Variants in INPP5D observed in about 807,000 individuals in gnomAD.
INPP5D encodes the protein phosphatidylinositol 3,4,5-trisphosphate 5-phosphatase 1.
In INPP5D, 33 loss-of-function variants were observed where a neutral mutation model predicts 122.9. The observed-to-expected ratio is 0.27, with a 90% CI of 0.20 to 0.36. The LOEUF (loss-of-function observed/expected upper bound fraction) is 0.36, where lower values mean the gene tolerates loss of function less well. Ranked by LOEUF, INPP5D falls within the 10% of genes least tolerant of loss-of-function variation. The pLI is 1.00. For missense variants in INPP5D, 1,053 were observed against 1,412.7 expected (o/e 0.75, Z 4.08); for synonymous variants, 584 against 576.2 (o/e 1.01, Z -0.19).
In INPP5D at chr2:233,195,424, A is replaced by C. The variant is rs1313655565; in HGVS notation, c.2622A>C (p.Glu874Asp). 1 of 1,613,676 alleles carries C rather than the reference A, an allele frequency of 6.2e-7. No homozygotes were observed. Among genetic ancestry groups the C allele is most frequent in the African/African-American group, 1.3e-5 (1 of 74,896 alleles). ...ACTTTGTGAAGACGGAGCGTGATGA[A>C]TCCAGTGGGCCAAAGACCCTGAAGA... ...LYDFVKTERD[E>D]SSGPKTLKSL... The change falls in exon 24 of 27, where the codon GAA becomes GAC. Residue 874 changes from glutamate to aspartate, a missense_variant. Transcript: ENST00000445964.
intron 4 of INPP5D, among the ~76,000 whole-genome samples, 158 bp from the exon 5 acceptor site, chr2:233,130,350 G>A (rs1358406119): frequency 6.6e-6 from 1 of 152,162 alleles, no homozygotes; most frequent in African/African-American, 2.4e-5. Context: ...GTGAGACCAC[G>A]GGAACCTTCG....
intron 25 of INPP5D, among the ~76,000 whole-genome samples, chr2:233,201,198 A>AGAGGCCCATC (rs1695331302): frequency 6.6e-6 from 1 of 152,160 alleles, no homozygotes; most frequent in Non-Finnish European, 1.5e-5. Context: ...TATGAGGACA[A>AGAGGCCCATC]AAGGCACTAT....
chr2:233,120,433 G>A (rs1030799650), intron 2 of INPP5D, among the ~76,000 whole-genome samples: 4 of 152,194 alleles, frequency 2.6e-5, no homozygotes, highest in Admixed American at 1.3e-4. Context: ...GCAGTGAGCC[G>A]AGACTGTGCC....
intron 4 of INPP5D, among the ~76,000 whole-genome samples, chr2:233,127,368 T>G (rs12694926): frequency 0.33 from 50,581 of 152,160 alleles, 10,329 homozygotes; most frequent in Non-Finnish European, 0.45. Context: ...ATTCTCAGGG[T>G]CAAGGAAAAC....
intron 2 of INPP5D, among the ~76,000 whole-genome samples, chr2:233,094,068 G>A (rs1037650245): frequency 6.6e-6 from 1 of 152,004 alleles, no homozygotes; most frequent in African/African-American, 2.4e-5. Flanking sequence ...GCCACATGGG[G>A]TCACAGAGCA....
intron 2 of INPP5D, among the ~76,000 whole-genome samples, chr2:233,104,049 C>G (rs1396771520): frequency 4.1e-5 from 4 of 98,590 alleles, no homozygotes; most frequent in Non-Finnish European, 7.9e-5. Context: ...CTTGCTCTGT[C>G]GCCCAGGCTG....
intron 1 of INPP5D, among the ~76,000 whole-genome samples, chr2:233,065,390 C>A (rs561941230): frequency 3.4e-4 from 51 of 149,276 alleles, no homozygotes; most frequent in African/African-American, 1.2e-3. Flanking sequence ...TCACTGCAAC[C>A]TCCGCCTCCC....
rs1247794682 is a variant in INPP5D at position 233,130,482 on chromosome 2, G to A, written c.525-26G>A. On this transcript the variant is annotated intron_variant, in intron 4 of 26. Transcript: ENST00000445964. ...TGGCTAAAAGAAACAGGCAAGCATA[G>A]TTTGTTTCTTTTTTCTTTTCTTTAG... 3 of 1,611,392 alleles carry A rather than the reference G, an allele frequency of 1.9e-6. No individual in the cohort carries two copies. In the African/African-American group the frequency reaches 4.0e-5, roughly 22 times the overall value.
intron 1 of INPP5D, among the ~76,000 whole-genome samples, chr2:233,070,730 C>G (rs771163835): frequency 3.3e-5 from 5 of 152,036 alleles, no homozygotes; most frequent in Non-Finnish European, 7.4e-5. Context: ...CGTGAGCCAC[C>G]GCGCCCGGCC....
intron 2 of INPP5D, among the ~76,000 whole-genome samples, chr2:233,096,165 C>A (rs550056640): frequency 2.0e-5 from 3 of 152,166 alleles, no homozygotes; most frequent in Admixed American, 2.0e-4. Flanking sequence ...TGAAGGAATG[C>A]GTATATGATT....
chr2:233,109,971 A>C lies in INPP5D; in HGVS notation c.199-12136A>C, dbSNP rs151313457. 5.2e-3 allele frequency among the ~76,000 whole-genome samples: 789 copies of C among 151,498 alleles called. 14 individuals are homozygous for C. The highest frequency in any genetic ancestry group is 0.018 in the African/African-American group (756 of 41,288). On this transcript the variant is annotated intron_variant, in intron 2 of 26. Coordinates refer to ENST00000445964, the MANE Select transcript of INPP5D (RefSeq NM_001017915.3). The stretch of plus-strand genomic sequence containing the variant: ...ACAATCTTGGTTCACTGCAGTCTGC[A>C]TTTCTCAGGCTCAAGGGATTCTCCC...
At chr2:233,081,671 T>C (rs1283241338) in intron 2 of INPP5D, among the ~76,000 whole-genome samples, 1 of 152,170 alleles carries the variant, frequency 6.6e-6, no homozygotes, top group Non-Finnish European at 1.5e-5. Flanking sequence ...TCGCCTTGGC[T>C]GACTCTGTAA....
chr2:233,125,252 G>A (rs1693123271), intron 3 of INPP5D, among the ~76,000 whole-genome samples: 1 of 152,232 alleles, frequency 6.6e-6, no homozygotes, highest in Non-Finnish European at 1.5e-5. Flanking sequence ...ACAGAGGCTG[G>A]AGAGAGGGGA....
At chr2:233,126,176 C>T (rs750862331) in intron 4 of INPP5D, among the ~76,000 whole-genome samples, 1 of 152,208 alleles carries the variant, frequency 6.6e-6, no homozygotes, top group East Asian at 1.9e-4. Flanking sequence ...AGGCACGGCC[C>T]GGCATAGTGT....
At chr2:233,079,082 C>T (rs778757612) in intron 1 of INPP5D, among the ~76,000 whole-genome samples, 1 of 152,094 alleles carries the variant, frequency 6.6e-6, no homozygotes, top group Non-Finnish European at 1.5e-5. Flanking sequence ...GCTGCCGGGT[C>T]CCCACCTAAA....
intron 2 of INPP5D, among the ~76,000 whole-genome samples, chr2:233,107,516 G>C (rs542868403): frequency 1.7e-4 from 26 of 152,318 alleles, no homozygotes; most frequent in African/African-American, 4.8e-4. Flanking sequence ...GATTTAGAAG[G>C]GAGTGCAGAG....
In INPP5D at chr2:233,164,536, A is replaced by C; in HGVS notation, c.1555+112A>C. ...CCGGGTTAAAAACAGAGAGCCTCAC[A>C]TCCTCAGATCCTGGCTCAGTCCTCA... On this transcript the variant is annotated intron_variant, in intron 13 of 26. Coordinates refer to ENST00000445964, the MANE Select transcript of INPP5D (RefSeq NM_001017915.3). This position sits in a 1 kb window ranked among gnomAD's most constrained non-coding sequence, Gnocchi z 4.3. 7.3e-7 allele frequency: 1 copy of C among 1,371,772 alleles called. No homozygotes were observed. Among genetic ancestry groups the C allele is most frequent in the Non-Finnish European group, 9.6e-7 (1 of 1,046,126 alleles). The allele number at this position is 1,371,772 out of a possible 1,614,324, so 85.0% of individuals were successfully genotyped here. A position where few individuals can be genotyped will look rare whatever the true frequency, so the allele number is the denominator to read the frequency against.
chr2:233,091,610 C>T (rs1320371522), intron 2 of INPP5D, among the ~76,000 whole-genome samples: 1 of 152,198 alleles, frequency 6.6e-6, no homozygotes, highest in Non-Finnish European at 1.5e-5. Context: ...CCTCCCTCTT[C>T]CCCTTATGAG....
At chr2:233,182,749 GTGT>G (rs1186878546) in intron 19 of INPP5D, among the ~76,000 whole-genome samples, 1 of 152,002 alleles carries the variant, frequency 6.6e-6, no homozygotes, top group Non-Finnish European at 1.5e-5. Context: ...GGGTAAATCA[GTGT>G]TTACCAAGGT....
Sources: allele counts gnomAD v4.1 joint callset (sites outside exome capture counted in the v4.1 genomes callset), GRCh38; gene constraint gnomAD v4.1.1; non-coding constraint Gnocchi (gnomAD v3.1); transcripts MANE v1.5; gene names NCBI Gene and HGNC (gene_info 2026-07-23, HGNC 2026-07-21).